Variants in RIMS1 observed in about 807,000 individuals in gnomAD.
The protein encoded by RIMS1 is regulating synaptic membrane exocytosis 1.
Under a neutral mutation model 214.1 loss-of-function variants are expected in RIMS1, and 83 were observed. The observed-to-expected ratio is 0.39, with a 90% CI of 0.32 to 0.47. The LOEUF (loss-of-function observed/expected upper bound fraction) is 0.47, where lower values mean the gene tolerates loss of function less well. Ranked by LOEUF, RIMS1 falls within the 20% of genes least tolerant of loss-of-function variation. The pLI is 0.99. For missense variants in RIMS1, 2,050 were observed against 2,161.8 expected (o/e 0.95, Z 1.03); for synonymous variants, 793 against 786.8 (o/e 1.01, Z -0.13).
At chr6:72,071,338 A>T (rs1830538108) in intron 2 of RIMS1, among the ~76,000 whole-genome samples, 1 of 152,128 alleles carries the variant, frequency 6.6e-6, no homozygotes, top group East Asian at 1.9e-4. Flanking sequence ...GAATTCAGGC[A>T]GCAGTGAGCC....
chr6:72,265,925 C>T (rs760387992), intron 21 of RIMS1, 35 bp from the exon 22 acceptor site: 66 of 1,434,832 alleles, frequency 4.6e-5, no homozygotes, highest in Non-Finnish European at 5.8e-5. Context: ...CTCTGTCTTT[C>T]TCTTCTACCA....
intron 4 of RIMS1, among the ~76,000 whole-genome samples, chr6:72,121,300 C>T (rs553571637): frequency 6.6e-6 from 1 of 151,972 alleles, no homozygotes; most frequent in East Asian, 1.9e-4. Context: ...AATGTTGTTC[C>T]ATTTGTTTGT....
At chr6:72,245,144 C>A (rs906670160) in intron 10 of RIMS1, among the ~76,000 whole-genome samples, 9 of 151,568 alleles carry the variant, frequency 5.9e-5, no homozygotes, top group African/African-American at 2.2e-4. Context: ...GTCAGTGTGG[C>A]AGGAATGGGT....
chr6:72,146,594 C>A (rs2042787297), intron 4 of RIMS1, among the ~76,000 whole-genome samples: 1 of 152,110 alleles, frequency 6.6e-6, no homozygotes, highest in Non-Finnish European at 1.5e-5. Flanking sequence ...AATTGAAAAA[C>A]CAAATAATAA....
At chr6:72,165,454 G>T (rs1317576031) in intron 4 of RIMS1, among the ~76,000 whole-genome samples, 2 of 151,866 alleles carry the variant, frequency 1.3e-5, no homozygotes, top group Non-Finnish European at 2.9e-5. Flanking sequence ...GGGTCGGTTG[G>T]TCTATTTTCA....
At chr6:72,184,734 G>A (rs1196460130) in intron 6 of RIMS1, among the ~76,000 whole-genome samples, 1 of 148,476 alleles carries the variant, frequency 6.7e-6, no homozygotes, top group East Asian at 2.0e-4. Context: ...TGCCTGAACA[G>A]GTTTTTAATG....
At chr6:71,935,649 C>T (rs182697590) in intron 1 of RIMS1, among the ~76,000 whole-genome samples, 2 of 152,278 alleles carry the variant, frequency 1.3e-5, no homozygotes, top group African/African-American at 4.8e-5. Context: ...ATTGCTCTGT[C>T]TGTCCTGTCT....
chr6:72,031,398 A>T (rs1174560492), intron 2 of RIMS1, among the ~76,000 whole-genome samples: 2 of 152,182 alleles, frequency 1.3e-5, no homozygotes, highest in African/African-American at 4.8e-5. Context: ...AAGCATTTTC[A>T]TTTATAGCTT....
At chr6:72,232,870 C>T (rs1409438134) in intron 6 of RIMS1, among the ~76,000 whole-genome samples, 1 of 151,820 alleles carries the variant, frequency 6.6e-6, no homozygotes, top group East Asian at 1.9e-4. Context: ...TTACAGGCAT[C>T]AACCAAGCAT....
At chr6:72,149,481 C>T (rs778537095) in intron 4 of RIMS1, among the ~76,000 whole-genome samples, 1 of 151,656 alleles carries the variant, frequency 6.6e-6, no homozygotes, top group African/African-American at 2.4e-5. Context: ...GACAGCTAGA[C>T]GTCTGTGAAG....
intron 2 of RIMS1, among the ~76,000 whole-genome samples, chr6:72,032,370 T>C (rs747772750): frequency 2.6e-5 from 4 of 152,218 alleles, no homozygotes; most frequent in Non-Finnish European, 4.4e-5. Flanking sequence ...TTTAGCTTCC[T>C]GGAGCTCTCT....
At chr6:72,266,109 C>T (rs1035919577) in intron 22 of RIMS1, 60 bp downstream of exon 22, 2 of 1,252,194 alleles carry the variant, frequency 1.6e-6, no homozygotes, top group Non-Finnish European at 2.3e-6. Context: ...TTTTCAGTCA[C>T]TTTGTTTTGT....
intron 2 of RIMS1, among the ~76,000 whole-genome samples, chr6:72,073,948 G>T (rs9342921): frequency 0.44 from 66,161 of 151,932 alleles, 15,571 homozygotes; most frequent in Non-Finnish European, 0.52. Context: ...TGTATGCCTA[G>T]GTTAAAATTT....
chr6:72,166,946 A>C (rs1401540547), intron 4 of RIMS1, among the ~76,000 whole-genome samples: 17 of 151,824 alleles, frequency 1.1e-4, no homozygotes, highest in Admixed American at 1.1e-3. Flanking sequence ...ATTTGTTATG[A>C]TCTCTATTAC....
intron 6 of RIMS1, among the ~76,000 whole-genome samples, chr6:72,187,104 C>T (rs898036846): frequency 7.3e-5 from 11 of 150,212 alleles, no homozygotes; most frequent in South Asian, 2.1e-4. Context: ...CCAGCCTGGG[C>T]GATAGAGCGA....
At chr6:72,045,147 C>CA (rs1239286108) in intron 2 of RIMS1, among the ~76,000 whole-genome samples, 1 of 151,604 alleles carries the variant, frequency 6.6e-6, no homozygotes, top group Non-Finnish European at 1.5e-5. Context: ...CTAAGAAAAG[C>CA]AAAAATGATA....
At chr6:72,385,680 G>T (rs991079468) in intron 29 of RIMS1, among the ~76,000 whole-genome samples, 2 of 152,204 alleles carry the variant, frequency 1.3e-5, no homozygotes, top group Non-Finnish European at 2.9e-5. Context: ...GCTCATTGCT[G>T]TATTACCAGC....
chr6:72,165,102 T>A (rs1166230485), intron 4 of RIMS1, among the ~76,000 whole-genome samples: 1 of 152,134 alleles, frequency 6.6e-6, no homozygotes, highest in Non-Finnish European at 1.5e-5. Flanking sequence ...TATTAAATAT[T>A]TTTTTCCATA....
chr6:71,927,262 A>G (rs1781825146), intron 1 of RIMS1, among the ~76,000 whole-genome samples: 1 of 152,218 alleles, frequency 6.6e-6, no homozygotes, highest in South Asian at 2.1e-4. Context: ...GCTACTTAAT[A>G]TAAACTTAAC....
Sources: allele counts gnomAD v4.1 joint callset (sites outside exome capture counted in the v4.1 genomes callset), GRCh38; gene constraint gnomAD v4.1.1; transcripts MANE v1.5; gene names NCBI Gene and HGNC (gene_info 2026-07-23, HGNC 2026-07-21).